TAB2: variants seen among roughly 807,000 people sequenced by gnomAD.
TAB2 encodes the protein TGF-beta activated kinase 1 (MAP3K7) binding protein 2.
A neutral mutation model predicts 65.0 loss-of-function variants in TAB2; 3 were observed. The ratio of observed to expected loss-of-function variants is 0.05; its 90% CI spans 0.02 to 0.12. The LOEUF is 0.12. Among genes scored for constraint, TAB2 ranks in the 10% least tolerant of loss-of-function variants. TAB2 has a pLI of 1.00. For synonymous variants in TAB2, 298 were observed against 285.1 expected, an observed-to-expected ratio of 1.05 and a Z score of -0.46; for missense variants, 623 against 840.3, an observed-to-expected ratio of 0.74 and a Z score of 3.20.
At chr6:149,342,841 A>G (rs895877394) in intron 1 of TAB2, 2 of 152,212 alleles carry the variant, frequency 1.3e-5, no homozygotes, top group Non-Finnish European at 2.9e-5. Context: ...CAGGTATGCT[A>G]AAGTCCATGG....
intron 1 of TAB2, among the ~76,000 whole-genome samples, chr6:149,304,923 C>G (rs1021461366): frequency 1.3e-5 from 2 of 151,242 alleles, no homozygotes; most frequent in African/African-American, 4.9e-5. Context: ...TTAATCATCT[C>G]TAGATTATTT....
At chr6:149,380,117 G>A in intron 3 of TAB2, 1 of 316,654 alleles carries the variant, frequency 3.2e-6, no homozygotes, top group Non-Finnish European at 6.1e-6. Context: ...GCACACACCT[G>A]TAGTCCCAGT....
intron 1 of TAB2, among the ~76,000 whole-genome samples, chr6:149,329,722 T>C (rs1467214288): frequency 6.6e-6 from 1 of 152,050 alleles, no homozygotes; most frequent in Non-Finnish European, 1.5e-5. Flanking sequence ...CTGTGTATGC[T>C]GTTCATGTAG....
chr6:149,257,558 G>A (rs975617335), intron 1 of TAB2: 2 of 152,084 alleles, frequency 1.3e-5, no homozygotes, highest in Admixed American at 6.6e-5. Context: ...TTCCAGACTG[G>A]GCAAGTCAGG....
chr6:149,379,068 C>T lies in TAB2; in HGVS notation c.1153C>T (p.Pro385Ser), dbSNP rs757738334. 59 of 1,614,070 alleles carry T rather than the reference C, an allele frequency of 3.7e-5. 2 individuals carry two copies. In the South Asian group the frequency reaches 5.5e-4, roughly 15 times the overall value. Reference protein sequence around the residue: ...NTDELMSRSQPKVYISANAAT... With the variant: ...NTDELMSRSQSKVYISANAAT... The stretch of plus-strand genomic sequence containing the variant: ...GGATGAGCTGATGTCCCGTAGTCAA[C>T]CTAAGGTCTATATTTCAGCGAATGC... The change falls in exon 3 of 7, where the codon CCT becomes TCT. Residue 385 changes from proline (P) to serine (S), a missense_variant. Physicochemically the swap from Pro to Ser is moderately conservative, Grantham distance 74. Transcript: ENST00000637181.
rs1782846923 is a variant in TAB2, at chr6:149,411,173, T to G, written c.*1454T>G. On this transcript the variant is annotated 3_prime_UTR_variant, in exon 7 of 7. Transcript: ENST00000637181. The stretch of plus-strand genomic sequence containing the variant: ...CATTTAAAAAGACAGAATTATGAAA[T>G]TATATGAGTGCTTAGAATGGGGCTA... 1 of 152,504 alleles carries G rather than the reference T, an allele frequency of 6.6e-6. No individual in the cohort carries two copies. The highest frequency in any genetic ancestry group is 2.4e-5 in the African/African-American group (1 of 41,408). 9.4% of individuals were successfully genotyped at this position (152,504 alleles called of 1,614,324 possible).
chr6:149,218,799 T>A lies in TAB2; in HGVS notation c.-121+23T>A, dbSNP rs553529491. The A allele has an allele frequency of 9.8e-4, 445 of 456,044 alleles. 1 individual carries two copies. Among genetic ancestry groups the A allele is most frequent in the African/African-American group, 8.3e-3 (416 of 50,202 alleles). 28.2% of individuals were successfully genotyped at this position (456,044 alleles called of 1,614,324 possible). Reference sequence around the variant, plus strand: ...CAGGTAAGGCAGGAAACAGTCATTGTTTCTGGAGAAAGGATCTTCTGTGAT... The same window carrying A: ...CAGGTAAGGCAGGAAACAGTCATTGATTCTGGAGAAAGGATCTTCTGTGAT... On this transcript the variant is annotated intron_variant, in intron 1 of 1. Coordinates refer to the TAB2 transcript ENST00000606202.
intron 1 of TAB2, among the ~76,000 whole-genome samples, chr6:149,290,409 A>G (rs918413891): frequency 6.6e-6 from 1 of 152,154 alleles, no homozygotes; most frequent in African/African-American, 2.4e-5. Flanking sequence ...TTTTCTCAAT[A>G]ACAATTATCA....
intron 6 of TAB2, among the ~76,000 whole-genome samples, chr6:149,405,375 T>C (rs192038681): frequency 7.9e-5 from 12 of 152,334 alleles, no homozygotes; most frequent in Admixed American, 7.8e-4. Context: ...AACTTTAAAA[T>C]TGTATGATCT....
At chr6:149,403,799 G>A (rs1322791044) in intron 6 of TAB2, among the ~76,000 whole-genome samples, 1 of 151,954 alleles carries the variant, frequency 6.6e-6, no homozygotes, top group East Asian at 1.9e-4. Context: ...CTTTTAAACA[G>A]CCAGATCTTT....
chr6:149,385,416 A>G (rs1035543114), intron 3 of TAB2, among the ~76,000 whole-genome samples: 5 of 152,190 alleles, frequency 3.3e-5, no homozygotes, highest in African/African-American at 1.2e-4. Flanking sequence ...AGTTCGAGCT[A>G]CTCGGGAGTC....
chr6:149,411,136 AAGAAC>A lies in TAB2; in HGVS notation c.*1420_*1424del. 1 of 152,682 alleles carries A rather than the reference AAGAAC, an allele frequency of 6.5e-6. No homozygotes were observed. Among genetic ancestry groups the A allele is most frequent in the Admixed American group, 6.5e-5 (1 of 15,280 alleles). The allele number at this position is 152,682 out of a possible 1,614,324, so 9.5% of individuals were successfully genotyped here. ...AATGTATATAACTGAAATCAAGAAAAAGAACAGTATGCATTTAAAAAGACAGAATT... is the reference window on the plus strand; with the variant it reads ...AATGTATATAACTGAAATCAAGAAAAAGTATGCATTTAAAAAGACAGAATT... On this transcript the variant is annotated 3_prime_UTR_variant, in exon 7 of 7. Coordinates refer to ENST00000637181, the MANE Select transcript of TAB2 (RefSeq NM_001292034.3).
intron 3 of TAB2, 126 bp from the exon 4 acceptor site, chr6:149,397,478 C>A: frequency 1.9e-6 from 2 of 1,079,474 alleles, no homozygotes; most frequent in Non-Finnish European, 2.8e-6. Context: ...AATGCCTAAA[C>A]TTACAATATT....
In TAB2 at chr6:149,379,669, G is replaced by A. The variant is rs2031450; in HGVS notation, c.1603+151G>A. Reference sequence around the variant, plus strand: ...ATTGTAACATTTGAGAGTATTATATGTATATACATTTTAATTTTAATTTTA... The same window carrying A: ...ATTGTAACATTTGAGAGTATTATATATATATACATTTTAATTTTAATTTTA... On this transcript the variant is annotated intron_variant, in intron 3 of 6. Transcript: ENST00000637181. The A allele has an allele frequency of 0.88, 568,460 of 646,576 alleles. 249,911 individuals are homozygous for A. The highest frequency in any genetic ancestry group is 0.94 in the Middle Eastern group (3,044 of 3,246). The allele number at this position is 646,576 out of a possible 1,614,324, so 40.1% of individuals were successfully genotyped here. A position where few individuals can be genotyped will look rare whatever the true frequency, so the allele number is the denominator to read the frequency against.
intron 3 of TAB2, among the ~76,000 whole-genome samples, chr6:149,383,134 A>T (rs574529205): frequency 5.3e-5 from 8 of 152,232 alleles, no homozygotes; most frequent in African/African-American, 1.9e-4. Flanking sequence ...CAGCCTGGCA[A>T]CAGAGTGAGA....
intron 1 of TAB2, among the ~76,000 whole-genome samples, chr6:149,240,861 G>A (rs1019106336): frequency 6.6e-5 from 10 of 152,030 alleles, no homozygotes; most frequent in Non-Finnish European, 1.2e-4. Context: ...TGGATTAAAT[G>A]GTCATGCCCC....
intron 1 of TAB2, among the ~76,000 whole-genome samples, chr6:149,325,692 T>A (rs1240148004): frequency 2.0e-5 from 3 of 152,206 alleles, no homozygotes; most frequent in African/African-American, 7.2e-5. Context: ...AATATAATAC[T>A]ACAAAACTTG....
chr6:149,305,649 A>G (rs1779055290), intron 1 of TAB2, among the ~76,000 whole-genome samples: 1 of 152,078 alleles, frequency 6.6e-6, no homozygotes, highest in Non-Finnish European at 1.5e-5. Flanking sequence ...GCTGATTTTG[A>G]GAGTAACATA....
At chr6:149,397,524 C>T in intron 3 of TAB2, 80 bp from the exon 4 acceptor site, 2 of 1,496,440 alleles carry the variant, frequency 1.3e-6, no homozygotes, top group Non-Finnish European at 1.9e-6. Context: ...CTGACAAATT[C>T]TTGTTTGCTT....
Sources: gnomAD v4.1 joint callset for allele counts (sites outside exome capture counted in the v4.1 genomes callset) on GRCh38, gnomAD v4.1.1 for gene constraint, MANE v1.5 for transcripts, NCBI Gene and HGNC (gene_info 2026-07-23, HGNC 2026-07-21) for gene names.